The following DNAJC13 variants were observed in gnomAD, a reference collection of about 807,000 sequenced individuals.
DNAJC13 encodes dnaJ homolog subfamily C member 13.
DNAJC13 carries 75 observed loss-of-function variants against 290.5 expected under a neutral mutation model. The ratio of observed to expected loss-of-function variants is 0.26; its 90% CI spans 0.21 to 0.31. DNAJC13 has a LOEUF of 0.31. DNAJC13 is among the 10% of genes least tolerant of loss of function. DNAJC13 has a pLI of 1.00. For synonymous variants in DNAJC13, 862 were observed against 892.0 expected (o/e 0.97, Z 0.60); for missense variants, 2,260 against 2,674.5 (o/e 0.85, Z 3.42).
chr3:132,437,305 ACTTT>A (rs1018109629), intron 2 of DNAJC13, among the ~76,000 whole-genome samples: 1 of 152,080 alleles, frequency 6.6e-6, no homozygotes, highest in African/African-American at 2.4e-5. Flanking sequence ...AGATTTTTTT[ACTTT>A]CTTGATGGTA....
chr3:132,512,370 T>A (rs141509620), intron 44 of DNAJC13, among the ~76,000 whole-genome samples: 2 of 152,302 alleles, frequency 1.3e-5, no homozygotes, highest in East Asian at 3.9e-4. Context: ...CTCTTTAAGT[T>A]GAAGGAGTCT....
At position 132,528,150 on chromosome 3, in the gene DNAJC13, T is replaced by G. The variant is rs757146756; in HGVS notation, c.6382-39T>G. 87 of 1,604,650 alleles carry G rather than the reference T, an allele frequency of 5.4e-5. No homozygotes were observed. The Admixed American group carries it at 1.4e-3, about 26-fold the overall frequency. On this transcript the variant is annotated intron_variant, in intron 53 of 55. Transcript: ENST00000260818. ...TATTTCTTCAGTGGATGATTTGCATTTTTTCTGTGTGTTTATATATGCTTA... is the reference window on the plus strand; with the variant it reads ...TATTTCTTCAGTGGATGATTTGCATGTTTTCTGTGTGTTTATATATGCTTA...
At chr3:132,516,664 C>A in intron 47 of DNAJC13, 40 bp from the exon 48 acceptor site, 1 of 1,569,092 alleles carries the variant, frequency 6.4e-7, no homozygotes, top group South Asian at 1.2e-5. Flanking sequence ...TTAGAAAAGT[C>A]AAATTCTTTA....
chr3:132,534,711 T>C (rs963924676), intron 55 of DNAJC13, among the ~76,000 whole-genome samples: 2 of 152,246 alleles, frequency 1.3e-5, no homozygotes, highest in African/African-American at 4.8e-5. Flanking sequence ...TAACTCTTGC[T>C]GTCTGCCTGA....
At chr3:132,449,592 T>C (rs756528485) in intron 5 of DNAJC13, among the ~76,000 whole-genome samples, 7 of 152,306 alleles carry the variant, frequency 4.6e-5, no homozygotes, top group Non-Finnish European at 8.8e-5. Flanking sequence ...TCAGTAATGT[T>C]GAGGAGACTT....
At chr3:132,491,487 A>T (rs902753261) in intron 32 of DNAJC13, among the ~76,000 whole-genome samples, 2 of 152,114 alleles carry the variant, frequency 1.3e-5, no homozygotes, top group Non-Finnish European at 2.9e-5. Flanking sequence ...ACCCGAAATT[A>T]TTCTAGAATG....
At chr3:132,492,745 C>G in intron 33 of DNAJC13, 130 bp downstream of exon 33, 1 of 718,414 alleles carries the variant, frequency 1.4e-6, no homozygotes, top group South Asian at 1.8e-5. Context: ...GCACTAAGCA[C>G]TGTGTGACTC....
chr3:132,423,869 T>A (rs1262115364), intron 1 of DNAJC13, among the ~76,000 whole-genome samples: 1 of 152,200 alleles, frequency 6.6e-6, no homozygotes, highest in African/African-American at 2.4e-5. Flanking sequence ...ACTGTAATGA[T>A]AGGAAAAACA....
chr3:132,444,762 T>C (rs1296565182), intron 2 of DNAJC13, among the ~76,000 whole-genome samples: 1 of 152,216 alleles, frequency 6.6e-6, no homozygotes, highest in East Asian at 1.9e-4. Context: ...GATTAAGCCT[T>C]TGAAGTTTTG....
At chr3:132,492,355 C>T (rs1211135082) in intron 32 of DNAJC13, 59 bp from the exon 33 acceptor site, 3 of 1,541,084 alleles carry the variant, frequency 1.9e-6, no homozygotes, top group East Asian at 4.5e-5. Context: ...TTATGTATCT[C>T]AACCTTCTCT....
chr3:132,450,407 T>C (rs552466196), intron 5 of DNAJC13, among the ~76,000 whole-genome samples: 39 of 152,264 alleles, frequency 2.6e-4, no homozygotes, highest in Non-Finnish European at 5.3e-4. Flanking sequence ...TCATAAAATA[T>C]TGTAACCCAA....
Position 132,522,972 on chromosome 3 carries a change from A to G in DNAJC13, c.5818A>G (p.Thr1940Ala), listed in dbSNP as rs903193868. The G allele has an allele frequency of 3.1e-6, 5 of 1,611,058 alleles. No homozygotes were observed. In the African/African-American group the frequency reaches 6.7e-5, roughly 22 times the overall value. The change falls in exon 49 of 56, where the codon ACA (threonine) becomes GCA (alanine). Residue 1940 changes from threonine (T) to alanine (A), a missense_variant. Coordinates refer to ENST00000260818, the MANE Select transcript of DNAJC13 (RefSeq NM_015268.4). Reference sequence around the variant, plus strand: ...TGATAATTCCAGAGATAAAGTGTCCACAACAGTTAGGGAAATGATGCTAGA... The same window carrying G: ...TGATAATTCCAGAGATAAAGTGTCCGCAACAGTTAGGGAAATGATGCTAGA... ...WNDNSRDKVSTTVREMMLEHF... is the reference protein window; with the variant it reads ...WNDNSRDKVSATVREMMLEHF...
At chr3:132,440,946 A>G (rs1933044365) in intron 2 of DNAJC13, among the ~76,000 whole-genome samples, 1 of 152,202 alleles carries the variant, frequency 6.6e-6, no homozygotes, top group Non-Finnish European at 1.5e-5. Flanking sequence ...TCCTTTACCA[A>G]TGCTGACCAT....
At chr3:132,492,870 C>T (rs1343616452) in intron 33 of DNAJC13, among the ~76,000 whole-genome samples, 1 of 151,678 alleles carries the variant, frequency 6.6e-6, no homozygotes, top group Non-Finnish European at 1.5e-5. Context: ...AAATTTCATG[C>T]AGATAACATA....
chr3:132,447,852 C>G (rs755637002), intron 4 of DNAJC13, 46 bp from the exon 5 acceptor site: 1 of 1,540,590 alleles, frequency 6.5e-7, no homozygotes, highest in Middle Eastern at 1.7e-4. Flanking sequence ...CCAAGTTTTC[C>G]TTACCAGTCT....
rs977263707 is a variant in DNAJC13 at position 132,492,459 on chromosome 3, A to G, written c.3669A>G (p.Thr1223=). ...TTGCTGCCCATCTCGCGGATTTCAC[A>G]CCTCGTCTTCAGAGTAACACAAGAG... ...EKIAAHLADF[T]PRLQSNTRAL... is the part of the protein sequence containing the mutation. The change falls in exon 33 of 56, where the codon ACA becomes ACG. Residue 1223 remains threonine, a synonymous_variant. Transcript: ENST00000260818. 3.7e-6 allele frequency: 6 copies of G among 1,613,684 alleles called. No homozygotes were observed. In the Admixed American group the frequency reaches 8.3e-5, roughly 22 times the overall value.
At chr3:132,531,273 C>T (rs1936407333) in intron 55 of DNAJC13, among the ~76,000 whole-genome samples, 176 bp downstream of exon 55, 1 of 152,148 alleles carries the variant, frequency 6.6e-6, no homozygotes, top group African/African-American at 2.4e-5. Flanking sequence ...ATATAGCATG[C>T]AAACTGTTGT....
intron 25 of DNAJC13, among the ~76,000 whole-genome samples, chr3:132,480,090 G>A (rs1215703689): frequency 6.6e-6 from 1 of 152,108 alleles, no homozygotes; most frequent in East Asian, 1.9e-4. Context: ...TAAAACCAGA[G>A]GTTGTTTTTT....
chr3:132,536,859 G>T (rs559322834), intron 55 of DNAJC13, among the ~76,000 whole-genome samples: 21 of 152,252 alleles, frequency 1.4e-4, no homozygotes, highest in Admixed American at 3.3e-4. Flanking sequence ...TTAAAAAGGA[G>T]AAATATTTTT....
Sources: gnomAD v4.1 joint callset for allele counts (sites outside exome capture counted in the v4.1 genomes callset) on GRCh38, gnomAD v4.1.1 for gene constraint, MANE v1.5 for transcripts, NCBI Gene and HGNC (gene_info 2026-07-23, HGNC 2026-07-21) for gene names.